Variants in PRDM16 observed in about 807,000 individuals in gnomAD.
PRDM16 encodes the protein PR/SET domain 16.
A neutral mutation model predicts 110.6 loss-of-function variants in PRDM16; 23 were observed. The observed-to-expected ratio is 0.21, with a 90% CI of 0.15 to 0.29. The LOEUF (loss-of-function observed/expected upper bound fraction) is 0.29, where lower values mean the gene tolerates loss of function less well. Among genes scored for constraint, PRDM16 ranks in the 10% least tolerant of loss-of-function variants. PRDM16 has a pLI of 1.00. For missense variants in PRDM16, 1,615 were observed against 1,794.3 expected (o/e 0.90, Z 1.81); for synonymous variants, 799 against 781.8 (o/e 1.02, Z -0.37).
At chr1:3,242,144 G>A (rs756885273) in intron 2 of PRDM16, among the ~76,000 whole-genome samples, 3 of 152,234 alleles carry the variant, frequency 2.0e-5, no homozygotes, top group Non-Finnish European at 4.4e-5. Context: ...CTCTGGGTGG[G>A]TACGTGGGTT....
At chr1:3,372,408 C>G (rs996347333) in intron 3 of PRDM16, among the ~76,000 whole-genome samples, 4 of 152,212 alleles carry the variant, frequency 2.6e-5, no homozygotes, top group Non-Finnish European at 4.4e-5. Flanking sequence ...CGTTTACAAG[C>G]TCTGCAGTGT....
At chr1:3,267,889 C>A (rs1640332975) in intron 3 of PRDM16, among the ~76,000 whole-genome samples, 1 of 152,204 alleles carries the variant, frequency 6.6e-6, no homozygotes, top group Admixed American at 6.5e-5. Context: ...TAAGCCGAGT[C>A]AGAAGTGGAA....
At chr1:3,343,844 T>C (rs1321561220) in intron 3 of PRDM16, among the ~76,000 whole-genome samples, 1 of 152,204 alleles carries the variant, frequency 6.6e-6, no homozygotes, top group Admixed American at 6.5e-5. Flanking sequence ...GCTTTCACCA[T>C]GTTAGCCAGG....
At chr1:3,393,441 G>A (rs1643329965) in intron 4 of PRDM16, among the ~76,000 whole-genome samples, 1 of 152,232 alleles carries the variant, frequency 6.6e-6, no homozygotes, top group Non-Finnish European at 1.5e-5. Context: ...GGTCTCACGA[G>A]GAAAGGAGGA....
At position 3,278,942 on chromosome 1, in the gene PRDM16, C is replaced by G. The variant is rs545062620; in HGVS notation, c.438+34805C>G. On this transcript the variant is annotated intron_variant, in intron 3 of 16. Transcript: ENST00000270722. ...CTCCCACGCTTCCCTCCGGCCGGCC[C>G]TGGAGATCCGTGGAGCCACACGGTG... Among the ~76,000 whole-genome samples, 4 of 152,362 alleles carry G rather than the reference C, an allele frequency of 2.6e-5. No homozygotes were observed. The East Asian group carries it at 7.7e-4, about 29-fold the overall frequency.
rs540060657 is a variant in PRDM16 at position 3,279,654 on chromosome 1, G to A, written c.438+35517G>A. ...TGCCACAGGCTGAGGACGGGCAGCC[G>A]TCAGGGAGAGTCTGTGCTGCAGGAG... On this transcript the variant is annotated intron_variant, in intron 3 of 16. Transcript: ENST00000270722. 2.7e-4 allele frequency among the ~76,000 whole-genome samples: 41 copies of A among 152,348 alleles called. 1 individual carries two copies. The South Asian group carries it at 4.6e-3, about 17-fold the overall frequency.
At chr1:3,328,789 G>A (rs1170653360) in intron 3 of PRDM16, among the ~76,000 whole-genome samples, 1 of 152,172 alleles carries the variant, frequency 6.6e-6, no homozygotes, top group African/African-American at 2.4e-5. Flanking sequence ...CTGCAGCCAG[G>A]TGGGGGCTTG....
intron 2 of PRDM16, among the ~76,000 whole-genome samples, chr1:3,210,375 C>A (rs1026557520): frequency 6.6e-6 from 1 of 151,990 alleles, no homozygotes; most frequent in Non-Finnish European, 1.5e-5. Flanking sequence ...GAAGGCTTTC[C>A]CCCCTCAGAT....
intron 3 of PRDM16, among the ~76,000 whole-genome samples, chr1:3,260,005 C>G (rs1370939593): frequency 1.3e-5 from 2 of 152,160 alleles, no homozygotes; most frequent in African/African-American, 4.8e-5. Context: ...CCCTGGTTTT[C>G]CAGCATCACA....
intron 3 of PRDM16, among the ~76,000 whole-genome samples, chr1:3,259,097 C>A (rs1255060736): frequency 2.0e-5 from 3 of 152,206 alleles, no homozygotes. Flanking sequence ...CCTGGATTGG[C>A]GGGCACCCTG....
chr1:3,317,447 C>T lies in PRDM16; in HGVS notation c.439-67705C>T, dbSNP rs1230244552. Among the ~76,000 whole-genome samples, 5 of 152,362 alleles carry T rather than the reference C, an allele frequency of 3.3e-5. No homozygotes were observed. The South Asian group carries it at 8.3e-4, about 25-fold the overall frequency. On this transcript the variant is annotated intron_variant, in intron 3 of 16. Coordinates refer to ENST00000270722, the MANE Select transcript of PRDM16 (RefSeq NM_022114.4). ...CTTCCTCACTAAGCAGGAGTGCGGG[C>T]GTGCCGTCAGGGTCCTGGTGTCCGG...
At chr1:3,094,333 G>A (rs948570683) in intron 1 of PRDM16, among the ~76,000 whole-genome samples, 3 of 152,214 alleles carry the variant, frequency 2.0e-5, no homozygotes, top group Non-Finnish European at 4.4e-5. Flanking sequence ...TTGTCAGAGC[G>A]GAACGACTTG....
intron 3 of PRDM16, among the ~76,000 whole-genome samples, chr1:3,294,917 A>G (rs905807161): frequency 1.3e-5 from 2 of 152,218 alleles, no homozygotes; most frequent in Admixed American, 1.3e-4. Flanking sequence ...GGAGAGGGGT[A>G]GACCCCACGG....
chr1:3,222,707 CCTGA>C (rs1353214717), intron 2 of PRDM16, among the ~76,000 whole-genome samples: 1 of 152,254 alleles, frequency 6.6e-6, no homozygotes, highest in Non-Finnish European at 1.5e-5. Flanking sequence ...CTGCAGGGCC[CCTGA>C]CTGTCTCCAG....
At chr1:3,296,512 C>A (rs996236685) in intron 3 of PRDM16, among the ~76,000 whole-genome samples, 2 of 152,224 alleles carry the variant, frequency 1.3e-5, no homozygotes, top group African/African-American at 4.8e-5. Flanking sequence ...TAACCCGGGG[C>A]CTCGTGTTGC....
At chr1:3,111,317 C>T (rs1473199452) in intron 1 of PRDM16, among the ~76,000 whole-genome samples, 2 of 152,072 alleles carry the variant, frequency 1.3e-5, no homozygotes, top group African/African-American at 4.8e-5. Context: ...TGTGATCCTG[C>T]ACTGGGCAGT....
At chr1:3,120,652 C>G (rs1643074555) in intron 1 of PRDM16, among the ~76,000 whole-genome samples, 1 of 152,214 alleles carries the variant, frequency 6.6e-6, no homozygotes, top group Non-Finnish European at 1.5e-5. Context: ...GATGCCTGCC[C>G]TTGCGTCTCT....
intron 1 of PRDM16, among the ~76,000 whole-genome samples, chr1:3,173,786 C>G (rs115766302): frequency 0.052 from 7,874 of 152,260 alleles, 223 homozygotes; most frequent in Admixed American, 0.072. Flanking sequence ...GGGGCCGAGG[C>G]TCCGTGCTCA....
At position 3,148,145 on chromosome 1, in the gene PRDM16, G is replaced by T. The variant is rs1037479755; in HGVS notation, c.38-37980G>T. On this transcript the variant is annotated intron_variant, in intron 1 of 16. Transcript: ENST00000270722. This position sits in a 1 kb window ranked among gnomAD's most constrained non-coding sequence, Gnocchi z 5.0. ...TGTGGTTGGGCATCAGGACGGTTTT[G>T]TGGGAGGGGCTGGGCTGAGAGGTGG... Among the ~76,000 whole-genome samples, 2 of 152,116 alleles carry T rather than the reference G, an allele frequency of 1.3e-5. No homozygotes were observed. Among genetic ancestry groups the T allele is most frequent in the African/African-American group, 4.8e-5 (2 of 41,424 alleles).
Sources: allele counts gnomAD v4.1 joint callset (sites outside exome capture counted in the v4.1 genomes callset), GRCh38; gene constraint gnomAD v4.1.1; non-coding constraint Gnocchi (gnomAD v3.1); transcripts MANE v1.5; gene names NCBI Gene and HGNC (gene_info 2026-07-23, HGNC 2026-07-21).